Variants in TENM2 observed in about 807,000 individuals in gnomAD.
The protein encoded by TENM2 is teneurin-2.
TENM2 carries 52 observed loss-of-function variants against 245.2 expected under a neutral mutation model. The ratio of observed to expected loss-of-function variants is 0.21; its 90% CI spans 0.17 to 0.27. The LOEUF (loss-of-function observed/expected upper bound fraction) is 0.27. Among genes scored for constraint, TENM2 ranks in the 10% least tolerant of loss-of-function variants. The pLI is 1.00. For missense variants in TENM2, 3,046 were observed against 3,666.8 expected (o/e 0.83, Z 4.37); for synonymous variants, 1,363 against 1,438.9 (o/e 0.95, Z 1.19).
intron 2 of TENM2, among the ~76,000 whole-genome samples, chr5:167,581,488 A>G (rs1775089127): frequency 6.6e-6 from 1 of 152,214 alleles, no homozygotes; most frequent in Non-Finnish European, 1.5e-5. Context: ...TAAACTGAAA[A>G]TGTAAAACAA....
chr5:167,007,271 G>C, the TENM2 span, among the ~76,000 whole-genome samples: 1 of 152,036 alleles, frequency 6.6e-6, no homozygotes, highest in East Asian at 1.9e-4. The surrounding 1 kb of genome is among the most constrained non-coding windows in gnomAD (Gnocchi z 4.2). Context: ...ATAAACATAA[G>C]TCCCAAAGGC....
intron 7 of TENM2, among the ~76,000 whole-genome samples, chr5:168,071,262 A>G (rs188601704): frequency 1.7e-4 from 26 of 152,376 alleles, no homozygotes; most frequent in African/African-American, 5.8e-4. Flanking sequence ...ATGCTGGCAC[A>G]TAGAAATGGT....
At chr5:167,707,013 TAAAAAAAAAAA>T (rs34373602) in intron 2 of TENM2, among the ~76,000 whole-genome samples, 2 of 70,064 alleles carry the variant, frequency 2.9e-5, no homozygotes, top group Non-Finnish European at 5.3e-5. Context: ...AGACTCCGCC[TAAAAAAAAAAA>T]AAAAAAAAAA....
At chr5:167,439,727 T>C (rs774128285) in intron 2 of TENM2, among the ~76,000 whole-genome samples, 1 of 152,202 alleles carries the variant, frequency 6.6e-6, no homozygotes, top group Non-Finnish European at 1.5e-5. Context: ...GTTATTTACA[T>C]TATCCTTCTT....
rs1242718367 is a variant in TENM2, at chr5:168,159,601, C to T, written c.2423-3010C>T. On this transcript the variant is annotated intron_variant, in intron 12 of 28. Coordinates refer to ENST00000518659, the Ensembl canonical transcript of TENM2. The stretch of plus-strand genomic sequence containing the variant: ...CTCAGAAGGCCACCAGTAGAATGAA[C>T]TTGTGCTGGGGTTAGCTTGGGGTTG... Among the ~76,000 whole-genome samples the T allele has an allele frequency of 2.6e-5, 4 of 152,334 alleles. No individual in the cohort carries two copies. In the East Asian group the frequency reaches 5.8e-4, roughly 22 times the overall value.
intron 3 of TENM2, among the ~76,000 whole-genome samples, chr5:167,902,532 G>A (rs1409380647): frequency 1.3e-5 from 2 of 152,106 alleles, no homozygotes; most frequent in Non-Finnish European, 2.9e-5. Context: ...ACTTCCTGGG[G>A]CTGCCCCAGC....
chr5:167,511,816 TAGTC>T (rs1232323698), intron 2 of TENM2, among the ~76,000 whole-genome samples: 2 of 152,210 alleles, frequency 1.3e-5, no homozygotes, highest in East Asian at 3.9e-4. Flanking sequence ...ACCACACATT[TAGTC>T]AGTTCAACTA....
the TENM2 span, among the ~76,000 whole-genome samples, chr5:167,117,626 C>G: frequency 6.6e-6 from 1 of 152,142 alleles, no homozygotes; most frequent in Non-Finnish European, 1.5e-5. Context: ...GTGTTTAGAC[C>G]TTACCTCTTA....
At chr5:167,732,196 A>G (rs1760486149) in intron 2 of TENM2, among the ~76,000 whole-genome samples, 1 of 152,190 alleles carries the variant, frequency 6.6e-6, no homozygotes, top group Non-Finnish European at 1.5e-5. Flanking sequence ...TTTTCCATCC[A>G]ATGGTCATTA....
the TENM2 span, among the ~76,000 whole-genome samples, chr5:167,153,796 A>C: frequency 6.6e-6 from 1 of 152,134 alleles, no homozygotes; most frequent in Admixed American, 6.6e-5. Context: ...TAATAAAAAA[A>C]CTGAAAAAAA....
Position 168,218,146 on chromosome 5 carries a change from G to A in TENM2, c.4255G>A (p.Asp1419Asn). Reference sequence around the variant, plus strand: ...ACAGGTTCGTCTGGAGTGGCCAACAGACCTTGCTGTCAATCCCATGGATAA... The same window carrying A: ...ACAGGTTCGTCTGGAGTGGCCAACAAACCTTGCTGTCAATCCCATGGATAA... Residue 1419 changes from aspartate (D) to asparagine (N), a missense_variant, in exon 23 of 29, where the codon GAC (aspartate) becomes AAC (asparagine). Physicochemically the swap from Asp to Asn is conservative, Grantham distance 23. Around this residue, in one of 2 missense-constraint regions of TENM2, gnomAD observed 2,704 missense variants for 3,331.9 expected, o/e 0.81. Coordinates refer to ENST00000518659, the Ensembl canonical transcript of TENM2. The surrounding 1 kb of genome is among the most constrained non-coding windows in gnomAD (Gnocchi z 5.2). The A allele has an allele frequency of 1.9e-6, 3 of 1,613,246 alleles. No individual in the cohort carries two copies. Among genetic ancestry groups the A allele is most frequent in the Non-Finnish European group, 2.5e-6 (3 of 1,179,330 alleles).
At chr5:167,632,496 T>C (rs1183457541) in intron 2 of TENM2, among the ~76,000 whole-genome samples, 1 of 152,214 alleles carries the variant, frequency 6.6e-6, no homozygotes. Context: ...AAGGCAGCCA[T>C]TGCCGCCATA....
At chr5:168,140,506 A>G (rs912757419) in intron 12 of TENM2, among the ~76,000 whole-genome samples, 6 of 152,146 alleles carry the variant, frequency 3.9e-5, no homozygotes, top group Admixed American at 3.9e-4. Context: ...GCCAGTGACT[A>G]ATCCCTGTTG....
chr5:168,152,034 C>A (rs1002127170), intron 12 of TENM2, among the ~76,000 whole-genome samples: 1 of 152,226 alleles, frequency 6.6e-6, no homozygotes, highest in African/African-American at 2.4e-5. Context: ...GGTGTCAAAT[C>A]CTGGCTCCAC....
chr5:167,682,668 C>T (rs969441425), intron 2 of TENM2, among the ~76,000 whole-genome samples: 3 of 152,012 alleles, frequency 2.0e-5, no homozygotes, highest in Admixed American at 1.3e-4. Context: ...TTTATATGTA[C>T]AGGCAGAGCT....
the TENM2 span, among the ~76,000 whole-genome samples, chr5:167,145,246 T>C: frequency 6.6e-6 from 1 of 152,314 alleles, no homozygotes; most frequent in Admixed American, 6.5e-5. Flanking sequence ...GGGAGGCTAT[T>C]ACTCAATCAG....
chr5:168,144,618 G>A (rs1377432621), intron 12 of TENM2, among the ~76,000 whole-genome samples: 1 of 150,910 alleles, frequency 6.6e-6, no homozygotes, highest in Non-Finnish European at 1.5e-5. Flanking sequence ...CTTTGCTATT[G>A]TGAATAATGC....
the TENM2 span, among the ~76,000 whole-genome samples, chr5:167,031,029 A>G: frequency 6.6e-6 from 1 of 152,210 alleles, no homozygotes; most frequent in Admixed American, 6.5e-5. Flanking sequence ...AATTTGATTC[A>G]GTAGATCTGG....
Position 167,458,053 on chromosome 5 carries a change from C to A in TENM2, c.502+82580C>A, listed in dbSNP as rs146479484. On this transcript the variant is annotated intron_variant, in intron 2 of 28. Transcript: ENST00000518659. ...AGACTTGGTGATATAGCTAGTTTTTCAGGTCAGAGAAGTCAGTGTTGCTCT... is the reference window on the plus strand; with the variant it reads ...AGACTTGGTGATATAGCTAGTTTTTAAGGTCAGAGAAGTCAGTGTTGCTCT... 4.2e-3 allele frequency among the ~76,000 whole-genome samples: 636 copies of A among 152,188 alleles called. 5 individuals are homozygous for A. Among genetic ancestry groups the A allele is most frequent in the Middle Eastern group, 6.8e-3 (2 of 294 alleles).
Sources: allele counts gnomAD v4.1 joint callset (sites outside exome capture counted in the v4.1 genomes callset), GRCh38; gene constraint gnomAD v4.1.1; regional missense constraint gnomAD v4.1.1; non-coding constraint Gnocchi (gnomAD v3.1); transcripts MANE v1.5; gene names NCBI Gene and HGNC (gene_info 2026-07-23, HGNC 2026-07-21).